The following TAB2 variants were observed in gnomAD, a reference collection of about 807,000 sequenced individuals.
TAB2 encodes TGF-beta-activated kinase 1 and MAP3K7-binding protein 2.
A neutral mutation model predicts 65.0 loss-of-function variants in TAB2; 3 were observed. The observed-to-expected ratio is 0.05, with a 90% CI of 0.02 to 0.12. TAB2 has a LOEUF of 0.12. Ranked by LOEUF, TAB2 falls within the 10% of genes least tolerant of loss-of-function variation. The pLI, the probability that TAB2 is intolerant of heterozygous loss-of-function variation, is 1.00. For missense variants in TAB2, 623 were observed against 840.3 expected, an observed-to-expected ratio of 0.74 and a Z score of 3.20; for synonymous variants, 298 against 285.1, an observed-to-expected ratio of 1.05 and a Z score of -0.46.
intron 1 of TAB2, among the ~76,000 whole-genome samples, chr6:149,342,044 AT>A (rs141280794): frequency 1.8e-4 from 22 of 120,392 alleles, no homozygotes; most frequent in African/African-American, 5.7e-4. Context: ...CCTAACAAAA[AT>A]TAAAAAAAAA....
intron 1 of TAB2, among the ~76,000 whole-genome samples, chr6:149,253,942 G>GAAAGAAAGAA (rs758067285): frequency 3.4e-5 from 2 of 59,116 alleles, no homozygotes; most frequent in Non-Finnish European, 7.6e-5. Context: ...AAGAAAGAAA[G>GAAAGAAAGAA]AGAAAGAAAG....
At chr6:149,305,579 G>A (rs1277891772) in intron 1 of TAB2, among the ~76,000 whole-genome samples, 4 of 151,222 alleles carry the variant, frequency 2.6e-5, no homozygotes, top group African/African-American at 9.7e-5. Context: ...TTATCACATG[G>A]AAAGAAAAGT....
intron 3 of TAB2, among the ~76,000 whole-genome samples, chr6:149,387,110 CA>C (rs1562447463): frequency 2.6e-5 from 4 of 152,054 alleles, no homozygotes; most frequent in African/African-American, 9.7e-5. Flanking sequence ...GGCTGAAGTC[CA>C]AACTCTATGT....
intron 3 of TAB2, among the ~76,000 whole-genome samples, chr6:149,394,412 A>G (rs1782097875): frequency 6.6e-6 from 1 of 152,164 alleles, no homozygotes; most frequent in African/African-American, 2.4e-5. Flanking sequence ...TTCCAGCTGC[A>G]TCATCTTTGA....
intron 1 of TAB2, among the ~76,000 whole-genome samples, chr6:149,221,723 A>G (rs1341496762): frequency 6.6e-6 from 1 of 152,208 alleles, no homozygotes; most frequent in Non-Finnish European, 1.5e-5. Flanking sequence ...GACTTTGTTT[A>G]TGAAGCCTAA....
chr6:149,396,193 T>A (rs954185102), intron 3 of TAB2, among the ~76,000 whole-genome samples: 1 of 152,154 alleles, frequency 6.6e-6, no homozygotes, highest in African/African-American at 2.4e-5. Context: ...ACTTTTTGTA[T>A]TTTTAGTAGA....
intron 2 of TAB2, among the ~76,000 whole-genome samples, chr6:149,374,211 A>G (rs1022778811): frequency 3.9e-5 from 6 of 152,188 alleles, no homozygotes; most frequent in Admixed American, 3.9e-4. Flanking sequence ...CTAAGAATGA[A>G]GATGAAATCC....
intron 2 of TAB2, among the ~76,000 whole-genome samples, chr6:149,374,187 A>G (rs1325188979): frequency 6.6e-6 from 1 of 152,180 alleles, no homozygotes; most frequent in African/African-American, 2.4e-5. Context: ...CAAGCATTCA[A>G]GGAAGAATTG....
intron 6 of TAB2, among the ~76,000 whole-genome samples, chr6:149,403,786 C>T (rs1269112049): frequency 6.6e-6 from 1 of 151,994 alleles, no homozygotes; most frequent in Admixed American, 6.6e-5. Flanking sequence ...GGAGGTGCCA[C>T]ACCTTTTAAA....
At chr6:149,233,404 G>A (rs1427691875) in intron 1 of TAB2, among the ~76,000 whole-genome samples, 1 of 152,064 alleles carries the variant, frequency 6.6e-6, no homozygotes, top group African/African-American at 2.4e-5. Context: ...TCCTGCCTGG[G>A]CCCAGAGCCA....
intron 2 of TAB2, among the ~76,000 whole-genome samples, chr6:149,377,484 C>T (rs539183282): frequency 2.1e-4 from 32 of 151,944 alleles, no homozygotes; most frequent in African/African-American, 6.3e-4. Flanking sequence ...TAAGAGGAAG[C>T]GTGTGAAGGA....
intron 5 of TAB2, 141 bp downstream of exon 5, chr6:149,398,203 A>G: frequency 4.1e-6 from 3 of 730,626 alleles, no homozygotes; most frequent in Non-Finnish European, 7.0e-6. Flanking sequence ...TTTTAAGAAT[A>G]TATTTAAAAA....
upstream of TAB2, among the ~76,000 whole-genome samples, chr6:149,314,305 G>T (rs1055065008): frequency 6.6e-5 from 10 of 152,106 alleles, no homozygotes; most frequent in Admixed American, 5.9e-4. Context: ...TGTTCATGTT[G>T]TCTTGTCCAA....
chr6:149,389,068 G>A (rs13209569), intron 3 of TAB2, among the ~76,000 whole-genome samples: 1 of 149,208 alleles, frequency 6.7e-6, no homozygotes, highest in African/African-American at 2.5e-5. Context: ...CAATTCCCCT[G>A]CCTCAGCCTC....
intron 1 of TAB2, among the ~76,000 whole-genome samples, chr6:149,361,181 A>G (rs1370418506): frequency 2.6e-5 from 4 of 152,002 alleles, no homozygotes; most frequent in Admixed American, 6.5e-5. Flanking sequence ...CCAACTCCAC[A>G]TTTTCCCTCC....
intron 1 of TAB2, among the ~76,000 whole-genome samples, chr6:149,310,502 A>G (rs1461123908): frequency 6.6e-6 from 1 of 151,964 alleles, no homozygotes; most frequent in Non-Finnish European, 1.5e-5. Flanking sequence ...TCTTAAATTT[A>G]TTTCTGAGTA....
At chr6:149,222,269 C>G (rs1002230354) in intron 1 of TAB2, among the ~76,000 whole-genome samples, 2 of 152,256 alleles carry the variant, frequency 1.3e-5, no homozygotes, top group Non-Finnish European at 2.9e-5. Flanking sequence ...AGCTTGCAAA[C>G]AGGTGATTGT....
rs1347946733 is a variant in TAB2 at position 149,382,456 on chromosome 6, C to T, written c.1603+2938C>T. ...ACTAAAAAGACAAAAATTAGCGGGG[C>T]GTGGTGGCAGACGCCTGTAATCCCA... On this transcript the variant is annotated intron_variant, in intron 3 of 6. Transcript: ENST00000637181. Among the ~76,000 whole-genome samples the T allele has an allele frequency of 3.9e-5, 6 of 151,958 alleles. 1 individual carries two copies. Among genetic ancestry groups the T allele is most frequent in the South Asian group, 2.1e-4 (1 of 4,806 alleles).
intron 2 of TAB2, among the ~76,000 whole-genome samples, chr6:149,375,672 T>C (rs969688475): frequency 6.6e-6 from 1 of 151,954 alleles, no homozygotes; most frequent in African/African-American, 2.4e-5. Flanking sequence ...GGAAGAAGAA[T>C]TTACTTGGAA....
Sources: gnomAD v4.1 joint callset for allele counts (sites outside exome capture counted in the v4.1 genomes callset) on GRCh38, gnomAD v4.1.1 for gene constraint, MANE v1.5 for transcripts, NCBI Gene and HGNC (gene_info 2026-07-23, HGNC 2026-07-21) for gene names.